The following ATP8B3 variants were observed in gnomAD, a reference collection of about 807,000 sequenced individuals.
The protein encoded by ATP8B3 is ATPase phospholipid transporting 8B3.
In ATP8B3, 141 loss-of-function variants were observed where a neutral mutation model predicts 140.9. The observed-to-expected ratio is 1.00, with a 90% CI of 0.87 to 1.15. ATP8B3 has a LOEUF of 1.15. Among genes scored for constraint, ATP8B3 ranks in the 50% most tolerant of loss-of-function variants. The pLI, the probability that ATP8B3 is intolerant of heterozygous loss-of-function variation, is 0.00. For missense variants in ATP8B3, 1,874 were observed against 1,740.6 expected (o/e 1.08, Z -1.36); for synonymous variants, 765 against 714.6 (o/e 1.07, Z -1.13).
chr19:1,804,417 G>T (rs576535997), intron 10 of ATP8B3, among the ~76,000 whole-genome samples: 2 of 152,292 alleles, frequency 1.3e-5, no homozygotes, highest in Middle Eastern at 3.4e-3. Context: ...AGACCATCCT[G>T]GCTAACACGG....
Position 1,802,030 on chromosome 19 carries a change from T to C in ATP8B3, c.1078A>G (p.Ile360Val). ...TGGATCTTGCCACAGTTCTTCATAA[T>C]TTTTGTGTCAAAACCTACAAACATG... Reference protein sequence around the residue: ...LVIYAGFDTKIMKNCGKIHLK... With the variant: ...LVIYAGFDTKVMKNCGKIHLK... Residue 360 changes from isoleucine (I) to valine (V), a missense_variant, in exon 12 of 29, where the codon ATT (isoleucine) becomes GTT (valine). Ile to Val is a conservative substitution (Grantham distance 29, BLOSUM62 3). Coordinates refer to ENST00000310127, the MANE Select transcript of ATP8B3 (RefSeq NM_138813.4). 2.5e-6 allele frequency: 4 copies of C among 1,611,538 alleles called. No individual in the cohort carries two copies. Among genetic ancestry groups the C allele is most frequent in the Non-Finnish European group, 3.4e-6 (4 of 1,179,418 alleles).
In ATP8B3 at chr19:1,806,511, C is replaced by T. The variant is rs1161957354; in HGVS notation, c.677+117G>A. On this transcript the variant is annotated intron_variant, in intron 7 of 28. Coordinates refer to ENST00000310127, the MANE Select transcript of ATP8B3 (RefSeq NM_138813.4). This position sits in a 1 kb window ranked among gnomAD's most constrained non-coding sequence, Gnocchi z 5.6. ...ATGCAGGCCCGGTTCCTGTCGGACT[C>T]AACCAGCCGGGAGATCAGGGAGCAC... 3 of 1,504,982 alleles carry T rather than the reference C, an allele frequency of 2.0e-6. No homozygotes were observed. Among genetic ancestry groups the T allele is most frequent in the Admixed American group, 4.2e-5 (2 of 47,900 alleles). The allele number at this position is 1,504,982 out of a possible 1,614,324, so 93.2% of individuals were successfully genotyped here.
intron 20 of ATP8B3, 73 bp from the exon 21 acceptor site, chr19:1,790,905 C>CCAGGATTCA: frequency 7.3e-7 from 1 of 1,372,152 alleles, no homozygotes; most frequent in Non-Finnish European, 1.0e-6. Flanking sequence ...GCCCACTCTG[C>CCAGGATTCA]CCGGTGAATC....
At chr19:1,784,569 T>C (rs748994301) in intron 28 of ATP8B3, among the ~76,000 whole-genome samples, 1 of 152,186 alleles carries the variant, frequency 6.6e-6, no homozygotes, top group Non-Finnish European at 1.5e-5. Context: ...GCATCAGCAC[T>C]GGAATCCAGG....
At chr19:1,808,401 G>C in intron 4 of ATP8B3, 66 bp from the exon 5 acceptor site, 1 of 1,248,466 alleles carries the variant, frequency 8.0e-7, no homozygotes. Context: ...GGGGGTGCCC[G>C]AGGCCAGACC....
chr19:1,787,051 A>C, intron 25 of ATP8B3, 52 bp downstream of exon 25: 1 of 1,474,318 alleles, frequency 6.8e-7, no homozygotes, highest in Non-Finnish European at 9.3e-7. Context: ...GGAGGAGAGG[A>C]GGAGAGGCTA....
rs527284826 is a variant in ATP8B3, at chr19:1,793,944, G to A, written c.2056-1809C>T. On this transcript the variant is annotated intron_variant, in intron 18 of 28. Transcript: ENST00000310127. ...TTTAGTAGAGACAGGGTTTCACCAGGTTGGTCAGGCTGGCCTCGAACTCCT... is the reference window on the plus strand; with the variant it reads ...TTTAGTAGAGACAGGGTTTCACCAGATTGGTCAGGCTGGCCTCGAACTCCT... Among the ~76,000 whole-genome samples, 3 of 152,154 alleles carry A rather than the reference G, an allele frequency of 2.0e-5. No individual in the cohort carries two copies. The South Asian group carries it at 6.2e-4, about 32-fold the overall frequency.
chr19:1,807,257 C>T lies in ATP8B3; in HGVS notation c.526G>A (p.Asp176Asn), dbSNP rs775293943. Reference protein sequence around the residue: ...LIIIILQSIPDISTLPWFSLS... With the variant: ...LIIIILQSIPNISTLPWFSLS... ...GAGAACCAGGGCAGCGTGGAGATGT[C>T]GGGAATGCTCTGACGTGAGGGGGCC... Residue 176 changes from aspartate (D) to asparagine (N), a missense_variant, in exon 6 of 29, where the codon GAC becomes AAC. Asp to Asn is a conservative substitution (Grantham distance 23, BLOSUM62 1). This residue lies in a region of ATP8B3 where 1,032 missense variants were observed against 963.6 expected (regional missense o/e 1.07). Transcript: ENST00000310127. The surrounding 1 kb of genome is among the most constrained non-coding windows in gnomAD (Gnocchi z 5.9). The T allele has an allele frequency of 1.1e-5, 18 of 1,612,048 alleles. No homozygotes were observed. Among genetic ancestry groups the T allele is most frequent in the Admixed American group, 1.7e-5 (1 of 59,932 alleles).
In ATP8B3 at chr19:1,800,346, C is replaced by A; in HGVS notation, c.1256G>T (p.Gly419Val). ...DHHYYLSGVH[G>V]SSVAAESFFV... ...GAAGGACTCTGCGGCCACGCTGCTCCCATGCACCCCCGAGAGGTAGTAGTG... is the reference window on the plus strand; with the variant it reads ...GAAGGACTCTGCGGCCACGCTGCTCACATGCACCCCCGAGAGGTAGTAGTG... Residue 419 changes from glycine (G) to valine (V), a missense_variant, in exon 13 of 29, where the codon GGG becomes GTG. Around this residue, in one of 3 missense-constraint regions of ATP8B3, gnomAD observed 1,032 missense variants for 963.6 expected, o/e 1.07. Coordinates refer to ENST00000310127, the MANE Select transcript of ATP8B3 (RefSeq NM_138813.4). This position sits in a 1 kb window ranked among gnomAD's most constrained non-coding sequence, Gnocchi z 4.4. The A allele has an allele frequency of 1.9e-6, 3 of 1,612,834 alleles. No homozygotes were observed. Among genetic ancestry groups the A allele is most frequent in the Middle Eastern group, 3.3e-4 (2 of 6,062 alleles).
At chr19:1,802,465 C>T (rs748155610) in intron 11 of ATP8B3, 22 bp downstream of exon 11, 6 of 1,520,936 alleles carry the variant, frequency 3.9e-6, no homozygotes, top group Admixed American at 1.8e-5. Context: ...GCTCCCACTC[C>T]AGGACCCTGG....
At chr19:1,802,407 A>AGCCCCCCCCCCCCCCCCCCCCCCCC in intron 11 of ATP8B3, 80 bp downstream of exon 11, 1 of 318,102 alleles carries the variant, frequency 3.1e-6, no homozygotes, top group South Asian at 2.0e-5. Context: ...CCACCCACCT[A>AGCCCCCCCCCCCCCCCCCCCCCCCC]CCCACCCACC....
At chr19:1,783,583 C>T (rs994331417) in intron 28 of ATP8B3, among the ~76,000 whole-genome samples, 4 of 152,226 alleles carry the variant, frequency 2.6e-5, no homozygotes, top group African/African-American at 9.6e-5. Context: ...TGGGACTTAA[C>T]CCTGGCTCAG....
In ATP8B3 at chr19:1,800,005, GC is replaced by G. The variant is rs766115574; in HGVS notation, c.1493del (p.Gly498AlafsTer8). The G allele has an allele frequency of 7.8e-5, 126 of 1,606,538 alleles. No individual in the cohort carries two copies. In the South Asian group the frequency reaches 1.3e-3, roughly 17 times the overall value. ...AGGTCAAGATGTTCTGCGTGAGCGTGCCCGTCTTGTCCGAGAAGATGTATTC... is the reference window on the plus strand; with the variant it reads ...AGGTCAAGATGTTCTGCGTGAGCGTGCCGTCTTGTCCGAGAAGATGTATTC... ...QVEYIFSDKT[G>X]TLTQNILTFN... is the part of the protein sequence containing the mutation. On this transcript the variant is annotated frameshift_variant, in exon 14 of 29. Transcript: ENST00000310127. LOFTEE classifies it high-confidence loss of function. This position sits in a 1 kb window ranked among gnomAD's most constrained non-coding sequence, Gnocchi z 4.4.
rs773757936 is a variant in ATP8B3, at chr19:1,796,767, C to T, written c.1697G>A (p.Arg566His). The T allele has an allele frequency of 1.4e-5, 23 of 1,612,236 alleles. No homozygotes were observed. The highest frequency in any genetic ancestry group is 8.9e-5 in the East Asian group (4 of 44,880). ...CACCGTGTGGCAGATGGCCAGCAGG[C>T]GCCAGAACTCCCGCACGGCCTCGTC... Reference protein sequence around the residue: ...NGDEAVREFWRLLAICHTVMV... With the variant: ...NGDEAVREFWHLLAICHTVMV... The change falls in exon 16 of 29, where the codon CGC (arginine) becomes CAC (histidine). Residue 566 changes from arginine to histidine, a missense_variant. Arg to His is a conservative substitution (Grantham distance 29). Coordinates refer to ENST00000310127, the MANE Select transcript of ATP8B3 (RefSeq NM_138813.4).
Position 1,807,238 on chromosome 19 carries a change from C to T in ATP8B3, c.545G>A (p.Trp182Ter). Residue 182 changes from tryptophan (W) to a stop codon, truncating the protein, a stop_gained, in exon 6 of 29, where the codon TGG (tryptophan) becomes TAG (stop). Transcript: ENST00000310127. LOFTEE classifies it high-confidence loss of function. This position sits in a 1 kb window ranked among gnomAD's most constrained non-coding sequence, Gnocchi z 5.9. Reference protein sequence around the residue: ...QSIPDISTLPWFSLSTPMVCL... With the variant: ...QSIPDISTLP ...GACCATAGGGGTACTGAGCGAGAAC[C>T]AGGGCAGCGTGGAGATGTCGGGAAT... is the stretch of plus-strand genomic sequence containing the variant. The T allele has an allele frequency of 6.2e-7, 1 of 1,612,966 alleles. No homozygotes were observed. Among genetic ancestry groups the T allele is most frequent in the African/African-American group, 1.3e-5 (1 of 74,994 alleles).
At chr19:1,785,107 CG>C (rs1352538070) in intron 27 of ATP8B3, 51 bp downstream of exon 27, 1 of 1,491,532 alleles carries the variant, frequency 6.7e-7, no homozygotes, top group East Asian at 2.4e-5. Context: ...CCTCTTCCAT[CG>C]GGGCTCCCCT....
At chr19:1,798,595 G>A (rs891497680) in intron 14 of ATP8B3, among the ~76,000 whole-genome samples, 16 of 151,702 alleles carry the variant, frequency 1.1e-4, no homozygotes, top group East Asian at 1.9e-4. Flanking sequence ...AAAATTAGCC[G>A]GGCGTGGTGG....
Position 1,808,352 on chromosome 19 carries a change from G to T in ATP8B3, c.403-17C>A. 1 of 1,595,136 alleles carries T rather than the reference G, an allele frequency of 6.3e-7. No individual in the cohort carries two copies. Among genetic ancestry groups the T allele is most frequent in the Non-Finnish European group, 8.6e-7 (1 of 1,166,720 alleles). ...GACATTGGTCTGGAACGAGAGCCGC[G>T]GGCTGCCTGGCAGAGGGGTGCCATC... On this transcript the variant is annotated splice_polypyrimidine_tract_variant and intron_variant, in intron 4 of 28. Transcript: ENST00000310127.
intron 25 of ATP8B3, among the ~76,000 whole-genome samples, chr19:1,786,815 T>C (rs896459027): frequency 3.7e-4 from 55 of 149,676 alleles, no homozygotes; most frequent in African/African-American, 1.3e-3. Flanking sequence ...TCATCTGCTC[T>C]GATCCTCTCT....
Sources: gnomAD v4.1 joint callset for allele counts (sites outside exome capture counted in the v4.1 genomes callset) on GRCh38, gnomAD v4.1.1 for gene constraint, gnomAD v4.1.1 regional missense constraint, Gnocchi (gnomAD v3.1) non-coding constraint, MANE v1.5 for transcripts, NCBI Gene and HGNC (gene_info 2026-07-23, HGNC 2026-07-21) for gene names.